The following ZMYM4 variants were observed in gnomAD, a reference collection of about 807,000 sequenced individuals.
The protein encoded by ZMYM4 is zinc finger MYM-type containing 4.
A neutral mutation model predicts 183.2 loss-of-function variants in ZMYM4; 31 were observed. The observed-to-expected ratio is 0.17, with a 90% CI of 0.13 to 0.23. The LOEUF is 0.23. Among genes scored for constraint, ZMYM4 ranks in the 10% least tolerant of loss-of-function variants. The probability of loss-of-function intolerance (pLI) is 1.00; values close to 1 mark genes in which losing one functional copy is unlikely to be tolerated. For missense variants in ZMYM4, 1,273 were observed against 1,840.3 expected (o/e 0.69, Z 5.64); for synonymous variants, 592 against 631.2 (o/e 0.94, Z 0.93).
intron 18 of ZMYM4, 46 bp from the exon 19 acceptor site, chr1:35,396,506 T>C (rs1157575705): frequency 6.2e-7 from 1 of 1,608,152 alleles, no homozygotes; most frequent in South Asian, 1.1e-5. Flanking sequence ...ATGAAAGCAT[T>C]TCTAACCCTC....
In ZMYM4 at chr1:35,329,519, A is replaced by G. The variant is rs143819861; in HGVS notation, c.85+4114A>G. ...AAGATAGCCAACTGGTCACTCAGCA[A>G]TGGTTACTTTTCTTATTGATAGAAT... On this transcript the variant is annotated intron_variant, in intron 2 of 29. Transcript: ENST00000314607. 6.6e-5 allele frequency among the ~76,000 whole-genome samples: 10 copies of G among 152,322 alleles called. No homozygotes were observed. The East Asian group carries it at 1.7e-3, about 26-fold the overall frequency.
At chr1:35,279,239 T>G (rs554876748) in intron 1 of ZMYM4, among the ~76,000 whole-genome samples, 1 of 152,326 alleles carries the variant, frequency 6.6e-6, no homozygotes, top group Admixed American at 6.5e-5. Flanking sequence ...ATCCCAGAAG[T>G]AAGACACTTT....
chr1:35,331,115 T>TA (rs11365951), intron 2 of ZMYM4, among the ~76,000 whole-genome samples: 3 of 152,040 alleles, frequency 2.0e-5, no homozygotes, highest in South Asian at 2.1e-4. Context: ...GAGTCTTTTT[T>TA]AAAAAAAACT....
At chr1:35,332,997 C>T (rs1014453697) in intron 2 of ZMYM4, among the ~76,000 whole-genome samples, 1 of 152,124 alleles carries the variant, frequency 6.6e-6, no homozygotes, top group Non-Finnish European at 1.5e-5. Flanking sequence ...GATTCAGAAG[C>T]TATAGACCCC....
intron 22 of ZMYM4, among the ~76,000 whole-genome samples, chr1:35,399,251 T>A (rs946153203): frequency 2.6e-5 from 4 of 152,040 alleles, no homozygotes; most frequent in Non-Finnish European, 4.4e-5. Context: ...GTGGTTAAAA[T>A]TTTTTTTAAC....
rs572026809 is a variant in ZMYM4 at position 35,287,737 on chromosome 1, C to CCTCCCATGTAATCCCA, written c.39+18652_39+18653insCTCCCATGTAATCCCA. 4.8e-4 allele frequency among the ~76,000 whole-genome samples: 73 copies of CCTCCCATGTAATCCCA among 152,232 alleles called. No individual in the cohort carries two copies. The East Asian group carries it at 0.012, about 26-fold the overall frequency. On this transcript the variant is annotated intron_variant, in intron 1 of 29. Coordinates refer to ENST00000314607, the MANE Select transcript of ZMYM4 (RefSeq NM_005095.3). ...TCTCCTGCCTTAGCCTCCCATGTAG[C>CCTCCCATGTAATCCCA]TGGGATTACAGGCATGCGCCACCAT...
intron 25 of ZMYM4, among the ~76,000 whole-genome samples, chr1:35,405,800 G>A (rs1378828469): frequency 6.7e-6 from 1 of 149,996 alleles, no homozygotes; most frequent in African/African-American, 2.5e-5. Context: ...ACCTGGAAAA[G>A]CCTTGCTTCT....
At chr1:35,412,197 G>C (rs924527418) in intron 26 of ZMYM4, among the ~76,000 whole-genome samples, 5 of 151,826 alleles carry the variant, frequency 3.3e-5, no homozygotes, top group Admixed American at 3.3e-4. Flanking sequence ...TTAATTTCCT[G>C]TTTGGATTGT....
At chr1:35,399,448 T>C in intron 22 of ZMYM4, 34 bp from the exon 23 acceptor site, 1 of 1,583,184 alleles carries the variant, frequency 6.3e-7, no homozygotes, top group Non-Finnish European at 8.7e-7. Flanking sequence ...GTGAGTTATT[T>C]ACCTCATGTT....
In ZMYM4 at chr1:35,414,092, AT is replaced by A. The variant is rs552172550; in HGVS notation, c.4060+19del. The A allele has an allele frequency of 3.2e-3, 4,226 of 1,300,966 alleles. No individual in the cohort carries two copies. The highest frequency in any genetic ancestry group is 3.6e-3 in the Non-Finnish European group (3,387 of 947,634). The allele number at this position is 1,300,966 out of a possible 1,614,324, so 80.6% of individuals were successfully genotyped here. ...TACAATACTTCCTAATGGTAGGGTGATTTTTTTTTTATTGTTTTCATGATAT... is the reference window on the plus strand; with the variant it reads ...TACAATACTTCCTAATGGTAGGGTGATTTTTTTTTATTGTTTTCATGATAT... On this transcript the variant is annotated intron_variant, in intron 27 of 29. Coordinates refer to ENST00000314607, the MANE Select transcript of ZMYM4 (RefSeq NM_005095.3).
intron 18 of ZMYM4, among the ~76,000 whole-genome samples, chr1:35,394,524 G>A (rs1298341242): frequency 6.6e-6 from 1 of 152,048 alleles, no homozygotes; most frequent in African/African-American, 2.4e-5. Flanking sequence ...ACTTGATTGG[G>A]AGCTGAGTGG....
chr1:35,279,244 C>T (rs1640024458), intron 1 of ZMYM4, among the ~76,000 whole-genome samples: 1 of 152,182 alleles, frequency 6.6e-6, no homozygotes, highest in South Asian at 2.1e-4. Context: ...AGAAGTAAGA[C>T]ACTTTAAAAA....
intron 2 of ZMYM4, among the ~76,000 whole-genome samples, chr1:35,340,546 A>G (rs1205238948): frequency 6.6e-6 from 1 of 151,852 alleles, no homozygotes; most frequent in African/African-American, 2.4e-5. Flanking sequence ...GATGGGAGAT[A>G]AGTGACAGAT....
rs570975218 is a variant in ZMYM4 at position 35,343,517 on chromosome 1, A to G, written c.86-15408A>G. Among the ~76,000 whole-genome samples, 15 of 152,128 alleles carry G rather than the reference A, an allele frequency of 9.9e-5. No homozygotes were observed. In the South Asian group the frequency reaches 1.7e-3, roughly 17 times the overall value. On this transcript the variant is annotated intron_variant, in intron 2 of 29. Transcript: ENST00000314607. Reference sequence around the variant, plus strand: ...GGACTTTTCTATTCCACAAATCCGTATGTTTATCCTTAGGCCAATATCACA... The same window carrying G: ...GGACTTTTCTATTCCACAAATCCGTGTGTTTATCCTTAGGCCAATATCACA...
At chr1:35,379,803 A>G (rs1338989329) in intron 7 of ZMYM4, among the ~76,000 whole-genome samples, 1 of 152,230 alleles carries the variant, frequency 6.6e-6, no homozygotes, top group African/African-American at 2.4e-5. Context: ...GGAATAGGAA[A>G]GCCTGAGGAG....
At position 35,362,575 on chromosome 1, in the gene ZMYM4, G is replaced by T. The variant is rs1468532452; in HGVS notation, c.840+786G>T. Reference sequence around the variant, plus strand: ...TGTTTTGTAAAGATGGTATGAATTGGCTCTTTTTCTGAAATGACATTTAAT... The same window carrying T: ...TGTTTTGTAAAGATGGTATGAATTGTCTCTTTTTCTGAAATGACATTTAAT... On this transcript the variant is annotated intron_variant, in intron 5 of 29. Transcript: ENST00000314607. Among the ~76,000 whole-genome samples, 5 of 152,312 alleles carry T rather than the reference G, an allele frequency of 3.3e-5. 1 individual carries two copies. The South Asian group carries it at 1.0e-3, about 32-fold the overall frequency.
At chr1:35,346,650 CA>C (rs746472685) in intron 2 of ZMYM4, among the ~76,000 whole-genome samples, 9,048 of 54,214 alleles carry the variant, frequency 0.17, 423 homozygotes, top group African/African-American at 0.31. Flanking sequence ...GACTCCATCT[CA>C]AAAAAAAAAA....
intron 23 of ZMYM4, chr1:35,399,957 A>G: frequency 6.0e-6 from 1 of 165,480 alleles, no homozygotes; most frequent in Non-Finnish European, 1.3e-5. Flanking sequence ...CCTGGCTAAC[A>G]TGGTGAAACC....
At chr1:35,361,053 T>G in intron 3 of ZMYM4, 141 bp from the exon 4 acceptor site, 2 of 611,050 alleles carry the variant, frequency 3.3e-6, no homozygotes, top group Non-Finnish European at 2.6e-6. Flanking sequence ...CTTTTGGGTG[T>G]TTTTGGGACC....
Sources: gnomAD v4.1 joint callset for allele counts (sites outside exome capture counted in the v4.1 genomes callset) on GRCh38, gnomAD v4.1.1 for gene constraint, MANE v1.5 for transcripts, NCBI Gene and HGNC (gene_info 2026-07-23, HGNC 2026-07-21) for gene names.